The following GRID1 variants were observed in gnomAD, a reference collection of about 807,000 sequenced individuals.
The protein encoded by GRID1 is glutamate ionotropic receptor delta type subunit 1, also known as glutamate receptor ionotropic, delta-1.
In GRID1, 28 loss-of-function variants were observed where a neutral mutation model predicts 98.0. The observed-to-expected ratio is 0.29, with a 90% CI of 0.21 to 0.39. The LOEUF (loss-of-function observed/expected upper bound fraction) is 0.39. GRID1 is among the 10% of genes least tolerant of loss of function. The pLI, the probability that GRID1 is intolerant of heterozygous loss-of-function variation, is 1.00. For synonymous variants in GRID1, 553 were observed against 538.5 expected (o/e 1.03, Z -0.37); for missense variants, 1,111 against 1,340.5 (o/e 0.83, Z 2.67).
chr10:86,222,137 T>C (rs1846265096), intron 2 of GRID1, among the ~76,000 whole-genome samples: 1 of 152,152 alleles, frequency 6.6e-6, no homozygotes, highest in Admixed American at 6.5e-5. Context: ...TGCCATCTCA[T>C]GGCATCCTCC....
At chr10:86,313,472 G>C (rs1847858903) in intron 2 of GRID1, among the ~76,000 whole-genome samples, 1 of 152,140 alleles carries the variant, frequency 6.6e-6, no homozygotes, top group African/African-American at 2.4e-5. Context: ...GTAATGAACA[G>C]AGGACTCTCC....
intron 4 of GRID1, among the ~76,000 whole-genome samples, chr10:86,015,255 C>T (rs7912608): frequency 0.061 from 9,351 of 152,286 alleles, 384 homozygotes; most frequent in East Asian, 0.19. Flanking sequence ...GAAACGCACA[C>T]GGGTGTCAGT....
chr10:85,665,588 T>A (rs536519025), intron 12 of GRID1, among the ~76,000 whole-genome samples: 61 of 152,278 alleles, frequency 4.0e-4, no homozygotes, highest in African/African-American at 1.3e-3. Flanking sequence ...GAACATACCA[T>A]CTCTATTACT....
intron 5 of GRID1, among the ~76,000 whole-genome samples, chr10:85,904,739 T>C (rs57846669): frequency 0.023 from 3,309 of 145,816 alleles, 128 homozygotes; most frequent in African/African-American, 0.078. Context: ...CTGGACAGAA[T>C]AGTTGGCAGA....
chr10:85,708,520 C>T (rs1183358864), intron 12 of GRID1, among the ~76,000 whole-genome samples: 2 of 151,940 alleles, frequency 1.3e-5, no homozygotes, highest in African/African-American at 4.8e-5. Context: ...TTCAGGTAAA[C>T]TCATAAGAAT....
chr10:86,335,472 T>C (rs1449053970), intron 2 of GRID1, among the ~76,000 whole-genome samples: 1 of 152,270 alleles, frequency 6.6e-6, no homozygotes, highest in African/African-American at 2.4e-5. Context: ...ATGTATGTGG[T>C]GATGTCCTCA....
chr10:85,951,888 T>A (rs1437312722), intron 4 of GRID1, among the ~76,000 whole-genome samples: 2 of 152,228 alleles, frequency 1.3e-5, no homozygotes, highest in Non-Finnish European at 2.9e-5. Flanking sequence ...CTCTGCAGCA[T>A]CACCTGTGTT....
chr10:86,001,968 A>T (rs1255393454), intron 4 of GRID1, among the ~76,000 whole-genome samples: 1 of 151,440 alleles, frequency 6.6e-6, no homozygotes, highest in Non-Finnish European at 1.5e-5. Flanking sequence ...TGGCAGTATA[A>T]CTCCAATCTC....
chr10:85,891,651 A>G (rs894748570), intron 5 of GRID1, among the ~76,000 whole-genome samples: 2 of 152,166 alleles, frequency 1.3e-5, no homozygotes, highest in Non-Finnish European at 2.9e-5. Context: ...CCTTAGAAAT[A>G]GGCCAAATTA....
At chr10:85,789,724 C>T (rs913286263) in intron 8 of GRID1, among the ~76,000 whole-genome samples, 1 of 152,100 alleles carries the variant, frequency 6.6e-6, no homozygotes, top group African/African-American at 2.4e-5. Flanking sequence ...TGGGACAATC[C>T]CCCAGGAACC....
chr10:85,637,233 G>T (rs570761707), intron 13 of GRID1, among the ~76,000 whole-genome samples: 2 of 152,268 alleles, frequency 1.3e-5, no homozygotes, highest in South Asian at 4.1e-4. Flanking sequence ...TCTTGGAACT[G>T]CATTTAGGTG....
At chr10:86,200,457 A>G (rs972197686) in intron 3 of GRID1, among the ~76,000 whole-genome samples, 3 of 152,202 alleles carry the variant, frequency 2.0e-5, no homozygotes, top group African/African-American at 4.8e-5. Context: ...TAGGCTTGCT[A>G]GGCTCGCAGA....
At chr10:86,083,505 T>A (rs957019122) in intron 4 of GRID1, among the ~76,000 whole-genome samples, 2 of 152,220 alleles carry the variant, frequency 1.3e-5, no homozygotes, top group African/African-American at 4.8e-5. Context: ...TGTCAAGAAG[T>A]CTGATCCTTA....
intron 15 of GRID1, among the ~76,000 whole-genome samples, chr10:85,604,118 A>G (rs1413405834): frequency 2.0e-5 from 3 of 152,160 alleles, no homozygotes; most frequent in Non-Finnish European, 2.9e-5. Flanking sequence ...GGGTCAACTC[A>G]GTGTTCCTCA....
rs1589406365 is a variant in GRID1 at position 86,195,405 on chromosome 10, A to C, written c.520+10959T>G. Reference sequence around the variant, plus strand: ...CTGTGGCTGCCAGAATAGCATGACCACAGCCGTCCTTGGCACCTCTTGATT... The same window carrying C: ...CTGTGGCTGCCAGAATAGCATGACCCCAGCCGTCCTTGGCACCTCTTGATT... On this transcript the variant is annotated intron_variant, in intron 3 of 15. Coordinates refer to ENST00000327946, the MANE Select transcript of GRID1 (RefSeq NM_017551.3). This position sits in a 1 kb window ranked among gnomAD's most constrained non-coding sequence, Gnocchi z 4.4. Among the ~76,000 whole-genome samples, 1 of 152,056 alleles carries C rather than the reference A, an allele frequency of 6.6e-6. No individual in the cohort carries two copies. The highest frequency in any genetic ancestry group is 1.5e-5 in the Non-Finnish European group (1 of 67,938).
At position 85,886,288 on chromosome 10, in the gene GRID1, A is replaced by G. The variant is rs1034588651; in HGVS notation, c.781-17108T>C. 2.6e-5 allele frequency among the ~76,000 whole-genome samples: 4 copies of G among 152,232 alleles called. No homozygotes were observed. In the East Asian group the frequency reaches 7.7e-4, roughly 29 times the overall value. ...TGAGGGCCAGTCCATCACACTGCAA[A>G]GATCAGGGAACCCGAAGATGCCACT... On this transcript the variant is annotated intron_variant, in intron 5 of 15. Transcript: ENST00000327946.
At chr10:86,189,837 T>G (rs921274009) in intron 3 of GRID1, among the ~76,000 whole-genome samples, 2 of 152,146 alleles carry the variant, frequency 1.3e-5, no homozygotes, top group African/African-American at 4.8e-5. Flanking sequence ...AGGAGGCTCT[T>G]GTGCCCACTA....
rs147810090 is a variant in GRID1, at chr10:86,069,220, A to T, written c.726+69599T>A. On this transcript the variant is annotated intron_variant, in intron 4 of 15. Transcript: ENST00000327946. ...GTTTGCTGCAAACCTGCCACTGCAGACACGATGATGTAACAGTTGCCAAGG... is the reference window on the plus strand; with the variant it reads ...GTTTGCTGCAAACCTGCCACTGCAGTCACGATGATGTAACAGTTGCCAAGG... Among the ~76,000 whole-genome samples the T allele has an allele frequency of 2.0e-3, 303 of 152,240 alleles. 2 individuals are homozygous for T. Among genetic ancestry groups the T allele is most frequent in the Non-Finnish European group, 3.7e-3 (249 of 68,024 alleles).
chr10:86,240,086 A>C (rs2132041244), intron 2 of GRID1, among the ~76,000 whole-genome samples: 1 of 152,306 alleles, frequency 6.6e-6, no homozygotes, highest in South Asian at 2.1e-4. Context: ...CAACACATTG[A>C]TCTTATACTT....
Sources: gnomAD v4.1 joint callset for allele counts (sites outside exome capture counted in the v4.1 genomes callset) on GRCh38, gnomAD v4.1.1 for gene constraint, Gnocchi (gnomAD v3.1) non-coding constraint, MANE v1.5 for transcripts, NCBI Gene and HGNC (gene_info 2026-07-23, HGNC 2026-07-21) for gene names.